Variants in GABPB1 observed in about 807,000 individuals in gnomAD.
GABPB1 encodes the protein GA binding protein transcription factor subunit beta 1.
In GABPB1, 15 loss-of-function variants were observed where a neutral mutation model predicts 45.9. That is an observed-to-expected ratio of 0.33 (90% CI 0.22 to 0.50). The LOEUF (loss-of-function observed/expected upper bound fraction) is 0.50, where lower values mean the gene tolerates loss of function less well. Among genes scored for constraint, GABPB1 ranks in the 20% least tolerant of loss-of-function variants. The pLI is 0.98. For synonymous variants in GABPB1, 143 were observed against 154.4 expected, an observed-to-expected ratio of 0.93 and a Z score of 0.55; for missense variants, 252 against 457.5, an observed-to-expected ratio of 0.55 and a Z score of 4.10.
chr15:50,321,139 T>C (rs1408393190), intron 1 of GABPB1, among the ~76,000 whole-genome samples: 2 of 152,192 alleles, frequency 1.3e-5, no homozygotes, highest in Non-Finnish European at 2.9e-5. Context: ...CCTTTACAAA[T>C]AGTGCTGCAA....
intron 6 of GABPB1, among the ~76,000 whole-genome samples, chr15:50,291,204 C>T (rs1282571702): frequency 6.6e-6 from 1 of 152,072 alleles, no homozygotes; most frequent in Admixed American, 6.6e-5. Flanking sequence ...CTATGTAAAC[C>T]CTTTGTGATA....
chr15:50,342,213 T>C (rs375852123), intron 1 of GABPB1, among the ~76,000 whole-genome samples: 31 of 152,340 alleles, frequency 2.0e-4, no homozygotes, highest in Middle Eastern at 3.4e-3. Context: ...TATTCTCTCA[T>C]TGTGGCCTTA....
At chr15:50,322,795 G>A (rs1451192391) in intron 1 of GABPB1, among the ~76,000 whole-genome samples, 1 of 152,026 alleles carries the variant, frequency 6.6e-6, no homozygotes, top group Non-Finnish European at 1.5e-5. Context: ...GGGAGGCTGA[G>A]GCGGGTGGAT....
chr15:50,338,624 C>T (rs1567543083), intron 1 of GABPB1, among the ~76,000 whole-genome samples: 1 of 152,050 alleles, frequency 6.6e-6, no homozygotes, highest in Non-Finnish European at 1.5e-5. Context: ...CAGGCAAACA[C>T]CACCATGCCC....
chr15:50,284,133 T>A (rs757723638), intron 8 of GABPB1, among the ~76,000 whole-genome samples: 4 of 151,616 alleles, frequency 2.6e-5, no homozygotes, highest in Non-Finnish European at 5.9e-5. Context: ...AGTATAAAAG[T>A]CTCCCCCCAA....
At chr15:50,354,713 G>GGGC (rs779059378) in intron 1 of GABPB1, 1 of 321,240 alleles carries the variant, frequency 3.1e-6, no homozygotes, top group South Asian at 2.3e-5. Flanking sequence ...GCCGAGGAGG[G>GGGC]GGCGGCGGCC....
At chr15:50,309,359 C>A (rs2047051835) in intron 2 of GABPB1, among the ~76,000 whole-genome samples, 1 of 152,070 alleles carries the variant, frequency 6.6e-6, no homozygotes, top group African/African-American at 2.4e-5. Context: ...TTATCAGTAT[C>A]TTTCTGAATT....
At chr15:50,327,273 A>G in intron 1 of GABPB1, 1 of 152,174 alleles carries the variant, frequency 6.6e-6, no homozygotes, top group Middle Eastern at 3.2e-3. Context: ...TGCTCAAAAA[A>G]AGAATGCATA....
chr15:50,301,769 C>T (rs1013269798), intron 4 of GABPB1, among the ~76,000 whole-genome samples: 1 of 151,906 alleles, frequency 6.6e-6, no homozygotes, highest in East Asian at 1.9e-4. Context: ...TCTCAAAAAA[C>T]AAAAACAAAA....
At chr15:50,332,751 G>GT (rs1555514113) in intron 1 of GABPB1, among the ~76,000 whole-genome samples, 5 of 151,650 alleles carry the variant, frequency 3.3e-5, no homozygotes, top group South Asian at 2.1e-4. Flanking sequence ...TCCATAAGAG[G>GT]TTTTTTTTAA....
chr15:50,337,697 T>C (rs1465464979), intron 1 of GABPB1, among the ~76,000 whole-genome samples: 2 of 151,824 alleles, frequency 1.3e-5, no homozygotes, highest in Non-Finnish European at 2.9e-5. Context: ...GCCCAAGAAG[T>C]AGAGGCCTGC....
chr15:50,322,876 A>G (rs28669213), intron 1 of GABPB1, among the ~76,000 whole-genome samples: 71,835 of 151,646 alleles, frequency 0.47, 18,377 homozygotes, highest in Middle Eastern at 0.65. Flanking sequence ...AAAATACAAA[A>G]AAATCAACCA....
rs185572286 is a variant in GABPB1 at position 50,295,561 on chromosome 15, A to C, written c.697+5228T>G. On this transcript the variant is annotated intron_variant, in intron 6 of 8. Coordinates refer to ENST00000380877, the MANE Select transcript of GABPB1 (RefSeq NM_016654.5). ...AATGTGATTGCTTCTGTATACTAATAAATAATGTACTACATGGTGGTAGTT... is the reference window on the plus strand; with the variant it reads ...AATGTGATTGCTTCTGTATACTAATCAATAATGTACTACATGGTGGTAGTT... Among the ~76,000 whole-genome samples the C allele has an allele frequency of 2.6e-5, 4 of 152,268 alleles. No individual in the cohort carries two copies. The East Asian group carries it at 7.7e-4, about 29-fold the overall frequency.
rs534029796 is a variant in GABPB1, at chr15:50,330,902, G to A, written c.1-21104C>T. Among the ~76,000 whole-genome samples the A allele has an allele frequency of 6.6e-5, 10 of 152,244 alleles. No individual in the cohort carries two copies. In the South Asian group the frequency reaches 1.0e-3, roughly 16 times the overall value. On this transcript the variant is annotated intron_variant, in intron 1 of 8. Transcript: ENST00000380877. ...AGTGGTGGTTGTGGCAGTGATAAAC[G>A]GTATGAAGAAAAAGTAAGGCAGAGT...
In GABPB1 at chr15:50,324,203, C is replaced by CA. The variant is rs10714565; in HGVS notation, c.1-14406dup. 7.8e-3 allele frequency among the ~76,000 whole-genome samples: 1,143 copies of CA among 146,608 alleles called. 16 individuals carry two copies. Among genetic ancestry groups the CA allele is most frequent in the Non-Finnish European group, 7.5e-3 (504 of 67,040 alleles). On this transcript the variant is annotated intron_variant, in intron 1 of 8. Coordinates refer to ENST00000380877, the MANE Select transcript of GABPB1 (RefSeq NM_016654.5). ...TAGACTACAGAATAAGACCTCATCTCAAAAAAAAAAAAAATTTTTTTTAAT... is the reference window on the plus strand; with the variant it reads ...TAGACTACAGAATAAGACCTCATCTCAAAAAAAAAAAAAAATTTTTTTTAAT...
At chr15:50,304,524 A>C (rs2046872139) in intron 2 of GABPB1, among the ~76,000 whole-genome samples, 1 of 152,190 alleles carries the variant, frequency 6.6e-6, no homozygotes, top group African/African-American at 2.4e-5. Flanking sequence ...CACCCTGGCC[A>C]ACATGGTGAA....
chr15:50,328,947 C>T (rs2047863595), intron 1 of GABPB1, among the ~76,000 whole-genome samples: 2 of 152,248 alleles, frequency 1.3e-5, no homozygotes, highest in African/African-American at 4.8e-5. Flanking sequence ...ACCTAGCCAC[C>T]TCCATTTGTT....
At chr15:50,325,417 T>C (rs1390275645) in intron 1 of GABPB1, among the ~76,000 whole-genome samples, 1 of 152,120 alleles carries the variant, frequency 6.6e-6, no homozygotes, top group Admixed American at 6.5e-5. Context: ...TCTGGTTCTG[T>C]TTCTGCTGAT....
chr15:50,313,816 AAGTTTC>A, intron 1 of GABPB1, among the ~76,000 whole-genome samples: 1 of 152,180 alleles, frequency 6.6e-6, no homozygotes, highest in Non-Finnish European at 1.5e-5. Context: ...TCATTTTACA[AAGTTTC>A]TAATGTTACT....
Sources: allele counts gnomAD v4.1 joint callset (sites outside exome capture counted in the v4.1 genomes callset), GRCh38; gene constraint gnomAD v4.1.1; transcripts MANE v1.5; gene names NCBI Gene and HGNC (gene_info 2026-07-23, HGNC 2026-07-21).